Variants in DDX18 observed in about 807,000 individuals in gnomAD.
DDX18 encodes the protein ATP-dependent RNA helicase DDX18.
DDX18 carries 23 observed loss-of-function variants against 73.5 expected under a neutral mutation model. The ratio of observed to expected loss-of-function variants is 0.31; its 90% CI spans 0.23 to 0.44. The LOEUF (loss-of-function observed/expected upper bound fraction) is 0.44. DDX18 is among the 20% of genes least tolerant of loss of function. The pLI, the probability that DDX18 is intolerant of heterozygous loss-of-function variation, is 1.00. For missense variants in DDX18, 753 were observed against 792.9 expected (o/e 0.95, Z 0.60); for synonymous variants, 268 against 282.7 (o/e 0.95, Z 0.52).
In DDX18 at chr2:117,825,050, A is replaced by T; in HGVS notation, c.1317A>T (p.Lys439Asn). The T allele has an allele frequency of 6.2e-7, 1 of 1,613,982 alleles. No homozygotes were observed. The highest frequency in any genetic ancestry group is 8.5e-7 in the Non-Finnish European group (1 of 1,179,978). The change falls in exon 9 of 14, where the codon AAA becomes AAT. Residue 439 changes from lysine to asparagine, a missense_variant. Around this residue, in one of 3 missense-constraint regions of DDX18, gnomAD observed 402 missense variants for 419.4 expected, o/e 0.96. Transcript: ENST00000263239. Reference protein sequence around the residue: ...MVFFSSCMSVKYHYELLNYID... With the variant: ...MVFFSSCMSVNYHYELLNYID... ...TCTTTTCATCTTGTATGTCTGTGAAATACCACTATGAGTTGCTGAACTACA... is the reference window on the plus strand; with the variant it reads ...TCTTTTCATCTTGTATGTCTGTGAATTACCACTATGAGTTGCTGAACTACA...
intron 11 of DDX18, chr2:117,828,729 A>G (rs1679973951): frequency 3.7e-6 from 2 of 540,544 alleles, no homozygotes; most frequent in Non-Finnish European, 6.6e-6. Context: ...CTGTGTCCCT[A>G]TCCAGTTCCT....
At chr2:117,824,114 TGTC>T (rs1351597976) in intron 7 of DDX18, among the ~76,000 whole-genome samples, 3 of 152,348 alleles carry the variant, frequency 2.0e-5, no homozygotes, top group African/African-American at 7.2e-5. Flanking sequence ...TTTCTTGTCA[TGTC>T]ATGTCAGGTT....
At chr2:117,823,449 A>G (rs1419439775) in intron 7 of DDX18, among the ~76,000 whole-genome samples, 2 of 152,164 alleles carry the variant, frequency 1.3e-5, no homozygotes, top group East Asian at 3.8e-4. Flanking sequence ...ATATATACAT[A>G]TATACACACA....
At chr2:117,825,131 CAG>C in intron 9 of DDX18, 30 bp downstream of exon 9, 1 of 1,595,524 alleles carries the variant, frequency 6.3e-7, no homozygotes, top group South Asian at 1.1e-5. Flanking sequence ...TCATTGAAAA[CAG>C]GGTATGCTTA....
At chr2:117,820,895 T>A (rs1228696426) in intron 3 of DDX18, among the ~76,000 whole-genome samples, 1 of 152,202 alleles carries the variant, frequency 6.6e-6, no homozygotes, top group African/African-American at 2.4e-5. Flanking sequence ...TATTTTTATT[T>A]TATATAAATT....
chr2:117,824,506 T>C (rs1257024299), intron 7 of DDX18, 63 bp from the exon 8 acceptor site: 7 of 1,295,138 alleles, frequency 5.4e-6, no homozygotes, highest in Non-Finnish European at 7.0e-6. Flanking sequence ...ATATTTGTAG[T>C]TGTGAGGCAA....
chr2:117,826,437 C>G, intron 11 of DDX18, 55 bp downstream of exon 11: 1 of 1,518,044 alleles, frequency 6.6e-7, no homozygotes, highest in Non-Finnish European at 9.1e-7. Flanking sequence ...TGTTAGCAAG[C>G]AACATTTCTA....
chr2:117,828,734 G>A lies in DDX18; in HGVS notation c.1636-215G>A, dbSNP rs186672942. The A allele has an allele frequency of 1.2e-4, 63 of 547,820 alleles. No individual in the cohort carries two copies. In the East Asian group the frequency reaches 1.8e-3, roughly 15 times the overall value. The allele number at this position is 547,820 out of a possible 1,614,324, so 33.9% of individuals were successfully genotyped here. On this transcript the variant is annotated intron_variant, in intron 11 of 13. Transcript: ENST00000263239. ...GCTTTACTGACTGTGTCCCTATCCA[G>A]TTCCTTGCCTTTCAGAAAGAAAGAA... is the stretch of plus-strand genomic sequence containing the variant.
rs1399658864 is a variant in DDX18, at chr2:117,822,008, A to T, written c.898A>T (p.Asn300Tyr). The change falls in exon 6 of 14, where the codon AAT (asparagine) becomes TAT (tyrosine). Residue 300 changes from asparagine to tyrosine, a missense_variant. Coordinates refer to ENST00000263239, the MANE Select transcript of DDX18 (RefSeq NM_006773.4). Reference sequence around the variant, plus strand: ...ATCTGCTGAAGCACAGAAACTTGGTAATGGGATCAACATCATTGTGGCCAC... The same window carrying T: ...ATCTGCTGAAGCACAGAAACTTGGTTATGGGATCAACATCATTGTGGCCAC... The part of the protein sequence containing the change: ...NRSAEAQKLG[N>Y]GINIIVATPG... 6.2e-7 allele frequency: 1 copy of T among 1,614,060 alleles called. No homozygotes were observed. Among genetic ancestry groups the T allele is most frequent in the South Asian group, 1.1e-5 (1 of 91,090 alleles).
At chr2:117,816,749 A>G (rs1445020528) in intron 1 of DDX18, among the ~76,000 whole-genome samples, 1 of 152,238 alleles carries the variant, frequency 6.6e-6, no homozygotes, top group Non-Finnish European at 1.5e-5. Flanking sequence ...TACGACTGGC[A>G]TTACAGTAGA....
intron 11 of DDX18, chr2:117,826,643 T>A: frequency 2.2e-6 from 1 of 459,458 alleles, no homozygotes; most frequent in East Asian, 3.9e-5. Flanking sequence ...CCTCCAGCCC[T>A]CTTTGAAACC....
At position 117,825,042 on chromosome 2, in the gene DDX18, T is replaced by C; in HGVS notation, c.1309T>C (p.Ser437Pro). 1 of 1,614,106 alleles carries C rather than the reference T, an allele frequency of 6.2e-7. No homozygotes were observed. Among genetic ancestry groups the C allele is most frequent in the Non-Finnish European group, 8.5e-7 (1 of 1,179,998 alleles). Residue 437 changes from serine (S) to proline (P), a missense_variant, in exon 9 of 14, where the codon TCT (serine) becomes CCT (proline). Physicochemically the swap from Ser to Pro is moderately conservative, Grantham distance 74. Around this residue, in one of 3 missense-constraint regions of DDX18, gnomAD observed 402 missense variants for 419.4 expected, o/e 0.96. Transcript: ENST00000263239. ...TATGGTCTTCTTTTCATCTTGTATG[T>C]CTGTGAAATACCACTATGAGTTGCT... Reference protein sequence around the residue: ...KLMVFFSSCMSVKYHYELLNY... With the variant: ...KLMVFFSSCMPVKYHYELLNY...
At chr2:117,825,888 G>GT (rs1408151796) in intron 10 of DDX18, 5 of 418,224 alleles carry the variant, frequency 1.2e-5, no homozygotes, top group Middle Eastern at 6.3e-4. Context: ...GCTTAAGGAA[G>GT]TAGATAAACT....
At position 117,830,739 on chromosome 2, in the gene DDX18, T is replaced by C; in HGVS notation, c.*15T>C. On this transcript the variant is annotated 3_prime_UTR_variant, in exon 14 of 14. Transcript: ENST00000263239. ...TCTCTCACTGAACACATGCCTTCCTTTCATCTTGAATAACTTTGTCCTAAA... is the reference window on the plus strand; with the variant it reads ...TCTCTCACTGAACACATGCCTTCCTCTCATCTTGAATAACTTTGTCCTAAA... 2 of 1,607,800 alleles carry C rather than the reference T, an allele frequency of 1.2e-6. No individual in the cohort carries two copies. Among genetic ancestry groups the C allele is most frequent in the Non-Finnish European group, 1.7e-6 (2 of 1,178,466 alleles).
At chr2:117,825,224 G>T (rs971910405) in intron 9 of DDX18, 123 bp downstream of exon 9, 3 of 1,334,934 alleles carry the variant, frequency 2.2e-6, no homozygotes, top group Non-Finnish European at 3.1e-6. Flanking sequence ...ACCACTAGAT[G>T]ATGGATCCTG....
At chr2:117,825,287 A>G (rs530699135) in intron 9 of DDX18, among the ~76,000 whole-genome samples, 160 bp from the exon 10 acceptor site, 1 of 152,120 alleles carries the variant, frequency 6.6e-6, no homozygotes, top group Non-Finnish European at 1.5e-5. Flanking sequence ...CGAAGAGTGC[A>G]AGACACCATC....
At position 117,829,341 on chromosome 2, in the gene DDX18, C is replaced by CAT; in HGVS notation, c.1749_1750dup (p.Lys584IlefsTer13). The CAT allele has an allele frequency of 6.2e-7, 1 of 1,613,556 alleles. No individual in the cohort carries two copies. Among genetic ancestry groups the CAT allele is most frequent in the Non-Finnish European group, 8.5e-7 (1 of 1,179,814 alleles). ...TTTCTTCATAAGTCAGCCCAGGAAG[C>CAT]ATATAAGTCATACATACGAGCCTAT... is the stretch of plus-strand genomic sequence containing the variant. On this transcript the variant is annotated frameshift_variant, in exon 13 of 14. Coordinates refer to ENST00000263239, the MANE Select transcript of DDX18 (RefSeq NM_006773.4). LOFTEE classifies it high-confidence loss of function.
chr2:117,815,789 A>G (rs1679747393), intron 1 of DDX18: 1 of 152,260 alleles, frequency 6.6e-6, no homozygotes, highest in Admixed American at 6.5e-5. Context: ...AACCTTTGGT[A>G]AGGACATTCT....
intron 13 of DDX18, 91 bp downstream of exon 13, chr2:117,829,557 T>C: frequency 8.0e-7 from 1 of 1,255,726 alleles, no homozygotes; most frequent in Non-Finnish European, 1.1e-6. Context: ...TTGGTATGTG[T>C]TCTGGCTCAG....
Sources: gnomAD v4.1 joint callset for allele counts (sites outside exome capture counted in the v4.1 genomes callset) on GRCh38, gnomAD v4.1.1 for gene constraint, gnomAD v4.1.1 regional missense constraint, MANE v1.5 for transcripts, NCBI Gene and HGNC (gene_info 2026-07-23, HGNC 2026-07-21) for gene names.